Variants in SORBS2 observed in about 807,000 individuals in gnomAD.
SORBS2 encodes the protein sorbin and SH3 domain containing 2, also known as sorbin and SH3 domain-containing protein 2.
SORBS2 carries 46 observed loss-of-function variants against 97.7 expected under a neutral mutation model. The observed-to-expected ratio is 0.47, with a 90% CI of 0.37 to 0.60. The LOEUF is 0.60. SORBS2 is among the 20% of genes least tolerant of loss of function. The pLI is 0.00. For missense variants in SORBS2, 1,316 were observed against 1,282.3 expected (o/e 1.03, Z -0.40); for synonymous variants, 476 against 473.4 (o/e 1.01, Z -0.07).
intron 2 of SORBS2, among the ~76,000 whole-genome samples, chr4:185,694,858 C>T (rs964401749): frequency 6.6e-6 from 1 of 151,890 alleles, no homozygotes; most frequent in Admixed American, 6.6e-5. Context: ...AGGCGTGCAC[C>T]ATCACGCCTG....
At chr4:185,741,941 C>T (rs1215241438) in intron 2 of SORBS2, among the ~76,000 whole-genome samples, 2 of 152,164 alleles carry the variant, frequency 1.3e-5, no homozygotes, top group Non-Finnish European at 2.9e-5. Context: ...CTTTGTCTCA[C>T]CACCTACATT....
chr4:185,656,041 TTTA>T (rs1388630593), intron 1 of SORBS2, among the ~76,000 whole-genome samples: 1 of 152,168 alleles, frequency 6.6e-6, no homozygotes, highest in Non-Finnish European at 1.5e-5. Context: ...AAGTTTCAAA[TTTA>T]ACCATTTTGA....
chr4:185,909,128 C>T (rs1050047953), intron 1 of SORBS2, among the ~76,000 whole-genome samples: 1 of 151,894 alleles, frequency 6.6e-6, no homozygotes, highest in Non-Finnish European at 1.5e-5. Context: ...CTCACAATGG[C>T]AAAGATATGG....
At chr4:185,713,223 C>G (rs2098438619) in intron 2 of SORBS2, among the ~76,000 whole-genome samples, 1 of 152,166 alleles carries the variant, frequency 6.6e-6, no homozygotes, top group Admixed American at 6.5e-5. Context: ...CTTGGACACT[C>G]CAAGCCCACA....
chr4:185,866,746 C>T (rs80130086), intron 1 of SORBS2, among the ~76,000 whole-genome samples: 7,705 of 152,238 alleles, frequency 0.051, 232 homozygotes, highest in African/African-American at 0.083. Flanking sequence ...CAGTAAAACT[C>T]GTAGATTACT....
exon 6 of SORBS2, chr4:185,626,995 G>A (rs760651670): frequency 6.2e-7 from 1 of 1,614,130 alleles, no homozygotes; most frequent in Non-Finnish European, 8.5e-7. Context: ...TCCGCTTCCT[G>A]AAGTCACTGG....
intron 4 of SORBS2, among the ~76,000 whole-genome samples, chr4:185,643,228 G>A (rs541688033): frequency 6.6e-6 from 1 of 152,198 alleles, no homozygotes; most frequent in Non-Finnish European, 1.5e-5. Flanking sequence ...CTGGAGGATG[G>A]GATAGAATTC....
chr4:185,814,260 C>T (rs981851445), intron 1 of SORBS2, among the ~76,000 whole-genome samples: 20 of 151,704 alleles, frequency 1.3e-4, no homozygotes, highest in African/African-American at 3.9e-4. Flanking sequence ...AATCTCTGGC[C>T]GTGGCTCACA....
intron 4 of SORBS2, chr4:185,677,296 T>C: frequency 3.2e-6 from 5 of 1,552,210 alleles, no homozygotes; most frequent in Non-Finnish European, 3.5e-6. Flanking sequence ...AGTTTCAAGG[T>C]AGAAATCCTC....
intron 2 of SORBS2, among the ~76,000 whole-genome samples, chr4:185,735,763 T>C (rs2098681798): frequency 6.6e-6 from 1 of 152,158 alleles, no homozygotes; most frequent in Non-Finnish European, 1.5e-5. Context: ...TTAAAATAAG[T>C]AGTTTACCTA....
intron 1 of SORBS2, among the ~76,000 whole-genome samples, chr4:185,806,612 T>C (rs11936075): frequency 0.19 from 28,747 of 150,750 alleles, 2,843 homozygotes; most frequent in East Asian, 0.33. Flanking sequence ...CGCCCGCCAC[T>C]ACGCCCGGCT....
chr4:185,615,156 C>G (rs1329085392), exon 10 of SORBS2: 1 of 1,585,934 alleles, frequency 6.3e-7, no homozygotes, highest in Non-Finnish European at 8.7e-7. Context: ...TAAATGACAA[C>G]TCCCTGGAAG....
At chr4:185,950,811 G>A (rs1170904334) in intron 1 of SORBS2, among the ~76,000 whole-genome samples, 1 of 152,136 alleles carries the variant, frequency 6.6e-6, no homozygotes, top group Non-Finnish European at 1.5e-5. Flanking sequence ...CCTGCACGGC[G>A]GATATCTGCT....
intron 1 of SORBS2, among the ~76,000 whole-genome samples, chr4:185,832,085 A>G (rs1294532065): frequency 2.6e-5 from 4 of 152,202 alleles, no homozygotes; most frequent in Non-Finnish European, 5.9e-5. Context: ...AAACTTACGA[A>G]TATTAGTTCT....
At chr4:185,605,449 A>T (rs568567714) in intron 12 of SORBS2, among the ~76,000 whole-genome samples, 2 of 134,784 alleles carry the variant, frequency 1.5e-5, no homozygotes, top group South Asian at 2.4e-4. Context: ...TGTCTGACTA[A>T]TTTTTGTATT....
chr4:185,779,340 G>A (rs990819985), intron 1 of SORBS2, among the ~76,000 whole-genome samples: 8 of 152,148 alleles, frequency 5.3e-5, no homozygotes, highest in East Asian at 1.9e-4. Context: ...TTGTGAGGGT[G>A]AAAATTGTTA....
chr4:185,730,310 C>CTTTT (rs67749971), intron 2 of SORBS2, among the ~76,000 whole-genome samples: 1 of 125,284 alleles, frequency 8.0e-6, no homozygotes, highest in Non-Finnish European at 1.7e-5. Flanking sequence ...AATATACTTT[C>CTTTT]TTTTTTTTTT....
Position 185,606,363 on chromosome 4 carries a change from T to C in SORBS2, c.2796+5417A>G. The C allele has an allele frequency of 6.2e-6, 6 of 967,154 alleles. No homozygotes were observed. The South Asian group carries it at 2.4e-4, about 39-fold the overall frequency. 59.9% of individuals were successfully genotyped at this position (967,154 alleles called of 1,614,324 possible). A position where few individuals can be genotyped will look rare whatever the true frequency, so the allele number is the denominator to read the frequency against. ...CTTTTACAATATAAGTTTATGGTCC[T>C]GAAGAAAAATGGGATAATGGAATTA... On this transcript the variant is annotated intron_variant, in intron 12 of 14. Coordinates refer to ENST00000418609, the Ensembl canonical transcript of SORBS2. The surrounding 1 kb of genome is among the most constrained non-coding windows in gnomAD (Gnocchi z 4.3).
At chr4:185,847,857 A>T (rs976938527) in intron 1 of SORBS2, among the ~76,000 whole-genome samples, 2 of 152,172 alleles carry the variant, frequency 1.3e-5, no homozygotes, top group African/African-American at 4.8e-5. Context: ...TTTTTCTGCT[A>T]TCGTTTTTGA....
Sources: gnomAD v4.1 joint callset for allele counts (sites outside exome capture counted in the v4.1 genomes callset) on GRCh38, gnomAD v4.1.1 for gene constraint, Gnocchi (gnomAD v3.1) non-coding constraint, MANE v1.5 for transcripts, NCBI Gene and HGNC (gene_info 2026-07-23, HGNC 2026-07-21) for gene names.